The following NFATC3 variants were observed in gnomAD, a reference collection of about 807,000 sequenced individuals.
The protein encoded by NFATC3 is nuclear factor of activated T cells 3, also known as nuclear factor of activated T-cells, cytoplasmic 3.
NFATC3 carries 46 observed loss-of-function variants against 98.6 expected under a neutral mutation model. That is an observed-to-expected ratio of 0.47 (90% CI 0.37 to 0.60). The LOEUF is 0.60. NFATC3 is among the 20% of genes least tolerant of loss of function. NFATC3 has a pLI of 0.00. For synonymous variants in NFATC3, 512 were observed against 472.2 expected, an observed-to-expected ratio of 1.08 and a Z score of -1.09; for missense variants, 1,256 against 1,295.5, an observed-to-expected ratio of 0.97 and a Z score of 0.47.
intron 1 of NFATC3, among the ~76,000 whole-genome samples, chr16:68,105,620 T>C (rs1458456078): frequency 1.3e-5 from 2 of 152,090 alleles, no homozygotes; most frequent in Non-Finnish European, 2.9e-5. Flanking sequence ...CCTCATAGAA[T>C]GTGTTAGGAA....
chr16:68,158,219 G>A, intron 4 of NFATC3, 151 bp downstream of exon 4: 1 of 580,850 alleles, frequency 1.7e-6, no homozygotes, highest in Non-Finnish European at 2.9e-6. Flanking sequence ...AAGAGTGGTA[G>A]CATATTTCCA....
At chr16:68,140,200 A>T (rs1485829862) in intron 3 of NFATC3, among the ~76,000 whole-genome samples, 2 of 152,202 alleles carry the variant, frequency 1.3e-5, no homozygotes, top group African/African-American at 4.8e-5. Flanking sequence ...GGGTTTCACC[A>T]TGGTGGTCCG....
intron 1 of NFATC3, chr16:68,086,614 G>A: frequency 1.0e-6 from 1 of 984,640 alleles, no homozygotes; most frequent in Admixed American, 6.1e-5. Context: ...GGTTCATTAA[G>A]TTCAGTTTCC....
chr16:68,099,174 C>CT (rs1220456133), intron 1 of NFATC3, among the ~76,000 whole-genome samples: 2 of 152,212 alleles, frequency 1.3e-5, no homozygotes, highest in Non-Finnish European at 2.9e-5. Context: ...TGGCTCACGC[C>CT]TGTAGTCCCA....
chr16:68,103,826 C>T (rs1232004331), intron 1 of NFATC3, among the ~76,000 whole-genome samples: 2 of 152,146 alleles, frequency 1.3e-5, no homozygotes, highest in Admixed American at 6.5e-5. Context: ...AAAGTCTTAG[C>T]ACCCTTGTAA....
chr16:68,224,831 C>G (rs1157120807), intron 9 of NFATC3: 1 of 152,090 alleles, frequency 6.6e-6, no homozygotes, highest in Admixed American at 6.5e-5. Flanking sequence ...TTGTTTATAA[C>G]AGCTGTAATG....
intron 6 of NFATC3, among the ~76,000 whole-genome samples, chr16:68,176,677 T>C (rs1459874022): frequency 6.6e-6 from 1 of 152,246 alleles, no homozygotes; most frequent in Non-Finnish European, 1.5e-5. Flanking sequence ...GAGGTTGTTA[T>C]GGACCATTAA....
intron 1 of NFATC3, among the ~76,000 whole-genome samples, chr16:68,115,612 A>G (rs2036234126): frequency 1.3e-5 from 2 of 151,966 alleles, no homozygotes; most frequent in South Asian, 4.2e-4. Context: ...TTTAGTAGAG[A>G]CAGGGTTTCA....
intron 1 of NFATC3, among the ~76,000 whole-genome samples, chr16:68,100,082 A>G (rs749945468): frequency 6.6e-6 from 1 of 152,204 alleles, no homozygotes; most frequent in Non-Finnish European, 1.5e-5. Context: ...GTAGTGTTCC[A>G]TCATATGGAT....
chr16:68,143,545 G>A (rs866755731), intron 3 of NFATC3, among the ~76,000 whole-genome samples: 14 of 152,068 alleles, frequency 9.2e-5, no homozygotes, highest in African/African-American at 2.9e-4. Flanking sequence ...AAAATGGGTT[G>A]TGGATTTAAT....
At chr16:68,216,303 C>T (rs1355094515) in intron 9 of NFATC3, among the ~76,000 whole-genome samples, 1 of 152,132 alleles carries the variant, frequency 6.6e-6, no homozygotes, top group Admixed American at 6.6e-5. Context: ...GCTTCTGAGT[C>T]TCACATCTTA....
At chr16:68,102,621 T>C (rs1294264690) in intron 1 of NFATC3, among the ~76,000 whole-genome samples, 2 of 152,124 alleles carry the variant, frequency 1.3e-5, no homozygotes, top group Non-Finnish European at 2.9e-5. Flanking sequence ...TGTGTTCTGA[T>C]TTTTTCAGTT....
At chr16:68,195,739 C>T (rs547835357) in intron 9 of NFATC3, among the ~76,000 whole-genome samples, 5 of 152,020 alleles carry the variant, frequency 3.3e-5, no homozygotes, top group African/African-American at 4.8e-5. Context: ...ACCCAAGAGG[C>T]GGAGCTTGCA....
At chr16:68,162,135 A>G (rs182023192) in intron 4 of NFATC3, among the ~76,000 whole-genome samples, 61 of 152,304 alleles carry the variant, frequency 4.0e-4, no homozygotes, top group Non-Finnish European at 6.9e-4. Flanking sequence ...TGACCATTCT[A>G]TCTGCTCTGT....
intron 9 of NFATC3, chr16:68,209,731 A>G: frequency 2.1e-6 from 1 of 476,980 alleles, no homozygotes; most frequent in Non-Finnish European, 4.1e-6. Flanking sequence ...TAAAATTGAC[A>G]GAGAGGGGAA....
Position 68,226,621 on chromosome 16 carries a change from C to T in NFATC3, c.*150C>T. 1.1e-6 allele frequency: 1 copy of T among 902,722 alleles called. No homozygotes were observed. The highest frequency in any genetic ancestry group is 1.6e-6 in the Non-Finnish European group (1 of 641,466). The allele number at this position is 902,722 out of a possible 1,614,324, so 55.9% of individuals were successfully genotyped here. A position where few individuals can be genotyped will look rare whatever the true frequency, so the allele number is the denominator to read the frequency against. On this transcript the variant is annotated 3_prime_UTR_variant, in exon 10 of 10. Transcript: ENST00000346183. ...AAAGTAGCATTCCTCCACCTCAGGC[C>T]TTGGGTAGATTTGGCAAAAGAACAG...
At position 68,167,810 on chromosome 16, in the gene NFATC3, C is replaced by CTTTTTTTTTTTTTTTTTTTT. The variant is rs35302776; in HGVS notation, c.1774+815_1774+834dup. Among the ~76,000 whole-genome samples the CTTTTTTTTTTTTTTTTTTTT allele has an allele frequency of 8.4e-4, 20 of 23,920 alleles. 7 individuals are homozygous for CTTTTTTTTTTTTTTTTTTTT. The highest frequency in any genetic ancestry group is 2.0e-3 in the South Asian group (1 of 500). The allele number at this position is 23,920 out of a possible 152,430, so 15.7% of individuals were successfully genotyped here. ...TTTATATCTGTTAACCGTATGTGTT[C>CTTTTTTTTTTTTTTTTTTTT]TTTTTTTTTTTTTTTTTTTTTTTTT... is the stretch of plus-strand genomic sequence containing the variant. On this transcript the variant is annotated intron_variant, in intron 5 of 9. Transcript: ENST00000346183.
intron 2 of NFATC3, 81 bp from the exon 3 acceptor site, chr16:68,126,367 G>C: frequency 5.4e-6 from 7 of 1,290,702 alleles, no homozygotes; most frequent in South Asian, 4.4e-5. Flanking sequence ...AAGAAATGTT[G>C]GTGCTGGCAA....
At chr16:68,133,629 A>G (rs1346450236) in intron 3 of NFATC3, among the ~76,000 whole-genome samples, 1 of 152,108 alleles carries the variant, frequency 6.6e-6, no homozygotes, top group Non-Finnish European at 1.5e-5. Context: ...ATGCTTCTCA[A>G]TTCTCATCAT....
Sources: allele counts gnomAD v4.1 joint callset (sites outside exome capture counted in the v4.1 genomes callset), GRCh38; gene constraint gnomAD v4.1.1; transcripts MANE v1.5; gene names NCBI Gene and HGNC (gene_info 2026-07-23, HGNC 2026-07-21).